The following PIEZO2 variants were observed in gnomAD, a reference collection of about 807,000 sequenced individuals.
The protein encoded by PIEZO2 is piezo-type mechanosensitive ion channel component 2.
A neutral mutation model predicts 337.3 loss-of-function variants in PIEZO2; 172 were observed. The observed-to-expected ratio is 0.51, with a 90% CI of 0.45 to 0.58. The LOEUF (loss-of-function observed/expected upper bound fraction) is 0.58, where lower values mean the gene tolerates loss of function less well. PIEZO2 is among the 20% of genes least tolerant of loss of function. The pLI is 0.00. For missense variants in PIEZO2, 3,028 were observed against 3,391.3 expected (o/e 0.89, Z 2.66); for synonymous variants, 1,251 against 1,228.5 (o/e 1.02, Z -0.38).
Position 11,116,885 on chromosome 18 carries a change from G to C in PIEZO2, c.64+31640C>G, listed in dbSNP as rs2039906626. Among the ~76,000 whole-genome samples, 1 of 152,160 alleles carries C rather than the reference G, an allele frequency of 6.6e-6. No homozygotes were observed. The highest frequency in any genetic ancestry group is 2.4e-5 in the African/African-American group (1 of 41,428). On this transcript the variant is annotated intron_variant, in intron 1 of 55. Transcript: ENST00000674853. This position sits in a 1 kb window ranked among gnomAD's most constrained non-coding sequence, Gnocchi z 5.0. ...GCACTCTGTGAGGCCAAGGCAGGAGGATCACTTGAGGTCAGGGGTTCAAAA... is the reference window on the plus strand; with the variant it reads ...GCACTCTGTGAGGCCAAGGCAGGAGCATCACTTGAGGTCAGGGGTTCAAAA...
chr18:10,696,343 G>A lies in PIEZO2; in HGVS notation c.6975+49C>T, dbSNP rs180991600. 6.6e-5 allele frequency: 106 copies of A among 1,613,648 alleles called. No individual in the cohort carries two copies. The East Asian group carries it at 1.7e-3, about 25-fold the overall frequency. Reference sequence around the variant, plus strand: ...AGAGAGGCAATTCATGGCAGGAAGCGCCATCGCCATGGGTCAGGGCGGGTG... The same window carrying A: ...AGAGAGGCAATTCATGGCAGGAAGCACCATCGCCATGGGTCAGGGCGGGTG... On this transcript the variant is annotated intron_variant, in intron 46 of 55. Transcript: ENST00000674853.
At chr18:10,808,377 C>T (rs538380994) in intron 7 of PIEZO2, among the ~76,000 whole-genome samples, 1 of 136,768 alleles carries the variant, frequency 7.3e-6, no homozygotes, top group South Asian at 2.6e-4. Flanking sequence ...CAGGTGTGAA[C>T]AATTGCACCC....
chr18:10,968,306 T>C (rs1377638364), intron 3 of PIEZO2, among the ~76,000 whole-genome samples: 1 of 152,244 alleles, frequency 6.6e-6, no homozygotes, highest in East Asian at 1.9e-4. Context: ...TCCATTAGTC[T>C]ATGTGCCTAT....
rs186073184 is a variant in PIEZO2, at chr18:11,102,857, C to A, written c.65-36635G>T. ...TCCTCTCCCTCCCAGGAGGCTGCCC[C>A]GTCCCCAAGGCACAGCACTTTCCAG... On this transcript the variant is annotated intron_variant, in intron 1 of 55. Coordinates refer to ENST00000674853, the MANE Select transcript of PIEZO2 (RefSeq NM_001378183.1). This position sits in a 1 kb window ranked among gnomAD's most constrained non-coding sequence, Gnocchi z 5.7. 4.6e-5 allele frequency among the ~76,000 whole-genome samples: 7 copies of A among 152,264 alleles called. No individual in the cohort carries two copies. Among genetic ancestry groups the A allele is most frequent in the Admixed American group, 4.6e-4 (7 of 15,292 alleles).
intron 3 of PIEZO2, among the ~76,000 whole-genome samples, chr18:10,918,797 C>T (rs1219181694): frequency 2.0e-5 from 3 of 151,912 alleles, no homozygotes; most frequent in African/African-American, 7.2e-5. Flanking sequence ...GCCATGTAAT[C>T]ACTTTACTGC....
chr18:11,087,730 G>T (rs1034365292), intron 1 of PIEZO2, among the ~76,000 whole-genome samples: 5 of 152,166 alleles, frequency 3.3e-5, no homozygotes, highest in Admixed American at 3.3e-4. Context: ...TTTCACATGT[G>T]CTTCTGTCTA....
chr18:10,859,101 G>C lies in PIEZO2; in HGVS notation c.493-1890C>G, dbSNP rs1412050775. ...GGGTGATGTGGTAGTGATAAACTGG[G>C]TGGCTGTTTCCGATTCAGAGGTCAA... On this transcript the variant is annotated intron_variant, in intron 5 of 55. Coordinates refer to ENST00000674853, the MANE Select transcript of PIEZO2 (RefSeq NM_001378183.1). The surrounding 1 kb of genome is among the most constrained non-coding windows in gnomAD (Gnocchi z 4.9). Among the ~76,000 whole-genome samples the C allele has an allele frequency of 6.6e-6, 1 of 152,126 alleles. No homozygotes were observed. Among genetic ancestry groups the C allele is most frequent in the Admixed American group, 6.5e-5 (1 of 15,270 alleles).
intron 18 of PIEZO2, among the ~76,000 whole-genome samples, chr18:10,778,018 C>T (rs1307692672): frequency 1.3e-5 from 2 of 152,142 alleles, no homozygotes; most frequent in South Asian, 2.1e-4. Context: ...GCCTACTGTC[C>T]TCAATACACT....
Position 10,784,555 on chromosome 18 carries a change from C to T in PIEZO2, c.2492+229G>A, listed in dbSNP as rs906026042. 1.3e-5 allele frequency among the ~76,000 whole-genome samples: 2 copies of T among 152,220 alleles called. No individual in the cohort carries two copies. Among genetic ancestry groups the T allele is most frequent in the Non-Finnish European group, 2.9e-5 (2 of 68,034 alleles). On this transcript the variant is annotated intron_variant, in intron 17 of 55. Coordinates refer to ENST00000674853, the MANE Select transcript of PIEZO2 (RefSeq NM_001378183.1). This position sits in a 1 kb window ranked among gnomAD's most constrained non-coding sequence, Gnocchi z 4.5. ...CAGCTACTCTGAATATCTCACAAGA[C>T]GATCAAGATCACTTTACATTAACCA... is the stretch of plus-strand genomic sequence containing the variant.
intron 2 of PIEZO2, among the ~76,000 whole-genome samples, chr18:11,052,867 C>T (rs1351405529): frequency 6.6e-6 from 1 of 152,248 alleles, no homozygotes; most frequent in African/African-American, 2.4e-5. Context: ...AGCATACTCA[C>T]ATTATCTCTC....
intron 7 of PIEZO2, among the ~76,000 whole-genome samples, chr18:10,831,537 G>A (rs2040843121): frequency 6.6e-6 from 1 of 152,144 alleles, no homozygotes; most frequent in Non-Finnish European, 1.5e-5. Context: ...ATGGGTAGTG[G>A]GGTGGGGAAA....
At chr18:10,732,117 C>T (rs898103652) in intron 35 of PIEZO2, among the ~76,000 whole-genome samples, 1 of 152,102 alleles carries the variant, frequency 6.6e-6, no homozygotes, top group Non-Finnish European at 1.5e-5. Flanking sequence ...TTTTGGTTGC[C>T]TTTTGTCATT....
intron 3 of PIEZO2, among the ~76,000 whole-genome samples, chr18:10,974,484 G>A (rs947829564): frequency 6.6e-6 from 1 of 152,128 alleles, no homozygotes; most frequent in Non-Finnish European, 1.5e-5. Context: ...TCCAAGCAAG[G>A]GAAAGTCATG....
chr18:11,084,322 G>A (rs990423488), intron 1 of PIEZO2, among the ~76,000 whole-genome samples: 3 of 152,134 alleles, frequency 2.0e-5, no homozygotes, highest in African/African-American at 4.8e-5. Flanking sequence ...CATGTGCCAG[G>A]TGCCACGGAC....
rs577246715 is a variant in PIEZO2, at chr18:10,786,983, A to G, written c.2318+53T>C. 26 of 1,447,722 alleles carry G rather than the reference A, an allele frequency of 1.8e-5. No homozygotes were observed. In the South Asian group the frequency reaches 2.6e-4, roughly 15 times the overall value. The allele number at this position is 1,447,722 out of a possible 1,614,324, so 89.7% of individuals were successfully genotyped here. ...ATCTTCCTTAAAGATGCTTTGAACA[A>G]TATGCATTCAAGTCTTCATCTTGTT... On this transcript the variant is annotated intron_variant, in intron 16 of 55. Coordinates refer to ENST00000674853, the MANE Select transcript of PIEZO2 (RefSeq NM_001378183.1).
chr18:10,757,259 A>G (rs1463032272), intron 27 of PIEZO2, among the ~76,000 whole-genome samples: 2 of 145,826 alleles, frequency 1.4e-5, no homozygotes, highest in Non-Finnish European at 3.0e-5. Flanking sequence ...TGCTATGGGG[A>G]TGAATATGAG....
intron 16 of PIEZO2, 105 bp from the exon 17 acceptor site, chr18:10,785,062 T>C (rs2144118418): frequency 8.0e-7 from 1 of 1,252,442 alleles, no homozygotes; most frequent in South Asian, 1.7e-5. Context: ...GTCAGGTCTA[T>C]CGTTTATTGA....
At chr18:11,000,053 T>C (rs933599461) in intron 2 of PIEZO2, among the ~76,000 whole-genome samples, 2 of 152,252 alleles carry the variant, frequency 1.3e-5, no homozygotes, top group African/African-American at 4.8e-5. Flanking sequence ...TCTATTCCAT[T>C]GGAAATCTCA....
chr18:10,924,105 A>G (rs1362289783), intron 3 of PIEZO2, among the ~76,000 whole-genome samples: 1 of 152,216 alleles, frequency 6.6e-6, no homozygotes, highest in African/African-American at 2.4e-5. Context: ...GTCCAAAGCC[A>G]CCACAGCCCA....
Sources: allele counts gnomAD v4.1 joint callset (sites outside exome capture counted in the v4.1 genomes callset), GRCh38; gene constraint gnomAD v4.1.1; non-coding constraint Gnocchi (gnomAD v3.1); transcripts MANE v1.5; gene names NCBI Gene and HGNC (gene_info 2026-07-23, HGNC 2026-07-21).